Variants in PAK5 observed in about 807,000 individuals in gnomAD.
PAK5 encodes serine/threonine-protein kinase PAK 5.
In PAK5, 16 loss-of-function variants were observed where a neutral mutation model predicts 65.9. The observed-to-expected ratio is 0.24, with a 90% CI of 0.16 to 0.37. The LOEUF (loss-of-function observed/expected upper bound fraction) is 0.37. Among genes scored for constraint, PAK5 ranks in the 10% least tolerant of loss-of-function variants. The pLI, the probability that PAK5 is intolerant of heterozygous loss-of-function variation, is 1.00. For synonymous variants in PAK5, 371 were observed against 354.9 expected, an observed-to-expected ratio of 1.05 and a Z score of -0.51; for missense variants, 785 against 903.9, an observed-to-expected ratio of 0.87 and a Z score of 1.69.
At chr20:9,755,434 A>C (rs2048622874) in intron 1 of PAK5, among the ~76,000 whole-genome samples, 1 of 152,174 alleles carries the variant, frequency 6.6e-6, no homozygotes, top group Admixed American at 6.5e-5. Flanking sequence ...AACTCAAATA[A>C]ATGCCTCATA....
At chr20:9,550,716 A>G in intron 7 of PAK5, among the ~76,000 whole-genome samples, 1 of 141,054 alleles carries the variant, frequency 7.1e-6, no homozygotes, top group Non-Finnish European at 1.5e-5. Flanking sequence ...TAGGAAGCAT[A>G]GAAACCATAA....
chr20:9,785,361 A>G (rs977193077), intron 1 of PAK5, among the ~76,000 whole-genome samples: 1 of 152,170 alleles, frequency 6.6e-6, no homozygotes, highest in African/African-American at 2.4e-5. Flanking sequence ...CAGAAACAAA[A>G]GGTTTGGTGA....
intron 1 of PAK5, among the ~76,000 whole-genome samples, chr20:9,803,579 T>C (rs533105422): frequency 6.6e-6 from 1 of 152,314 alleles, no homozygotes; most frequent in Non-Finnish European, 1.5e-5. Flanking sequence ...GAAATAAATG[T>C]AGATCAAGTG....
intron 8 of PAK5, among the ~76,000 whole-genome samples, chr20:9,543,226 C>T (rs1054216391): frequency 6.6e-6 from 1 of 152,068 alleles, no homozygotes; most frequent in African/African-American, 2.4e-5. Flanking sequence ...CTTCCACTAC[C>T]TTTTATTATC....
chr20:9,562,450 T>C (rs1443121604), intron 6 of PAK5, among the ~76,000 whole-genome samples: 4 of 152,208 alleles, frequency 2.6e-5, no homozygotes, highest in Non-Finnish European at 5.9e-5. Flanking sequence ...ATTGCAGAAT[T>C]TCTCTGTGCC....
chr20:9,650,269 G>T (rs2047186491), intron 2 of PAK5, among the ~76,000 whole-genome samples: 1 of 152,164 alleles, frequency 6.6e-6, no homozygotes, highest in African/African-American at 2.4e-5. Flanking sequence ...GGGAGACTTT[G>T]CTGGTTCTTC....
chr20:9,688,110 G>A (rs187100400), intron 2 of PAK5, among the ~76,000 whole-genome samples: 20 of 152,154 alleles, frequency 1.3e-4, no homozygotes, highest in South Asian at 6.2e-4. Context: ...TTGGGGAGAC[G>A]GAAATAGTCT....
chr20:9,742,166 C>T (rs578118892), intron 1 of PAK5, among the ~76,000 whole-genome samples: 3 of 152,104 alleles, frequency 2.0e-5, no homozygotes, highest in African/African-American at 7.2e-5. Context: ...TAAGGATCCT[C>T]CCCCCACCCC....
At chr20:9,716,097 A>G (rs1358269936) in intron 1 of PAK5, among the ~76,000 whole-genome samples, 1 of 151,960 alleles carries the variant, frequency 6.6e-6, no homozygotes, top group African/African-American at 2.4e-5. Context: ...GCAGTAGCTG[A>G]AAAAAAATAT....
At chr20:9,674,556 A>G (rs2047543097) in intron 2 of PAK5, among the ~76,000 whole-genome samples, 1 of 152,228 alleles carries the variant, frequency 6.6e-6, no homozygotes, top group African/African-American at 2.4e-5. Flanking sequence ...GAGGAAAGTC[A>G]TATGGAACAG....
At chr20:9,797,681 A>C (rs938274778) in intron 1 of PAK5, among the ~76,000 whole-genome samples, 14 of 108,658 alleles carry the variant, frequency 1.3e-4, no homozygotes, top group Admixed American at 6.3e-4. Context: ...GAGCACAAGA[A>C]AAAAAAAAGA....
At chr20:9,818,993 G>T (rs1346126803) in intron 1 of PAK5, among the ~76,000 whole-genome samples, 3 of 152,066 alleles carry the variant, frequency 2.0e-5, no homozygotes, top group Non-Finnish European at 4.4e-5. Context: ...AGCTATATAG[G>T]ACAAAATAAT....
At chr20:9,553,572 GTA>G (rs773497934) in intron 7 of PAK5, among the ~76,000 whole-genome samples, 11 of 151,588 alleles carry the variant, frequency 7.3e-5, no homozygotes, top group Admixed American at 2.0e-4. Context: ...GTGTGTGTGT[GTA>G]TATATATAAA....
At chr20:9,552,437 T>G (rs1319777322) in intron 7 of PAK5, among the ~76,000 whole-genome samples, 1 of 152,228 alleles carries the variant, frequency 6.6e-6, no homozygotes, top group Non-Finnish European at 1.5e-5. Flanking sequence ...GTCCCTGGTA[T>G]ACTTCTGAAG....
intron 1 of PAK5, among the ~76,000 whole-genome samples, chr20:9,827,156 G>T (rs1173731487): frequency 2.0e-5 from 3 of 152,130 alleles, no homozygotes; most frequent in Non-Finnish European, 2.9e-5. Context: ...TAGTTTGTGT[G>T]TTTTTAAAGA....
intron 9 of PAK5, among the ~76,000 whole-genome samples, 181 bp downstream of exon 9, chr20:9,542,405 A>G (rs963133368): frequency 6.6e-6 from 1 of 152,200 alleles, no homozygotes; most frequent in Non-Finnish European, 1.5e-5. Context: ...GGAAAGGCTG[A>G]GTCACTTGCC....
At chr20:9,782,203 C>T (rs2123700608) in intron 1 of PAK5, among the ~76,000 whole-genome samples, 1 of 152,222 alleles carries the variant, frequency 6.6e-6, no homozygotes, top group African/African-American at 2.4e-5. Flanking sequence ...ATTCTTCCCC[C>T]AGATATCTAC....
chr20:9,580,190 G>A lies in PAK5; in HGVS notation c.945C>T (p.Ser315=). 1 of 1,614,086 alleles carries A rather than the reference G, an allele frequency of 6.2e-7. No homozygotes were observed. Among genetic ancestry groups the A allele is most frequent in the Non-Finnish European group, 8.5e-7 (1 of 1,179,956 alleles). The change falls in exon 4 of 10, where the codon TCC becomes TCT. Residue 315 remains serine (S), a synonymous_variant. Transcript: ENST00000353224. ...GCTCGGACAAGCGAGGGTAGGTGTA[G>A]GAGTTGTAGGAGTGTCCTTGGGGAT... ...KTHPQGHSYN[S]YTYPRLSEPT... is the part of the protein sequence containing the mutation.
chr20:9,700,589 T>C (rs1385914350), intron 2 of PAK5, among the ~76,000 whole-genome samples: 1 of 152,202 alleles, frequency 6.6e-6, no homozygotes, highest in Non-Finnish European at 1.5e-5. Context: ...TGGATCATAG[T>C]ATAGGCTTAT....
Sources: allele counts gnomAD v4.1 joint callset (sites outside exome capture counted in the v4.1 genomes callset), GRCh38; gene constraint gnomAD v4.1.1; transcripts MANE v1.5; gene names NCBI Gene and HGNC (gene_info 2026-07-23, HGNC 2026-07-21).